Variants in SEH1L observed in about 807,000 individuals in gnomAD.
SEH1L encodes the protein nucleoporin SEH1.
Under a neutral mutation model 49.5 loss-of-function variants are expected in SEH1L, and 18 were observed. That is an observed-to-expected ratio of 0.36 (90% CI 0.25 to 0.54). The LOEUF (loss-of-function observed/expected upper bound fraction) is 0.54. SEH1L is among the 20% of genes least tolerant of loss of function. The pLI is 0.87. For synonymous variants in SEH1L, 169 were observed against 178.1 expected (o/e 0.95, Z 0.41); for missense variants, 404 against 528.8 (o/e 0.76, Z 2.31).
At chr18:12,967,796 C>A (rs143221709) in intron 4 of SEH1L, among the ~76,000 whole-genome samples, 6 of 152,194 alleles carry the variant, frequency 3.9e-5, no homozygotes, top group African/African-American at 1.4e-4. Flanking sequence ...CGCCTGTACT[C>A]CCAGCTACTC....
chr18:12,971,163 C>A lies in SEH1L; in HGVS notation c.532C>A (p.His178Asn). 6.2e-7 allele frequency: 1 copy of A among 1,612,346 alleles called. No homozygotes were observed. Among genetic ancestry groups the A allele is most frequent in the Non-Finnish European group, 8.5e-7 (1 of 1,178,486 alleles). The change falls in exon 5 of 9, where the codon CAT (histidine) becomes AAT (asparagine). Residue 178 changes from histidine to asparagine, a missense_variant. By Grantham distance (68) the His-to-Asn change is moderately conservative (BLOSUM62 1). Transcript: ENST00000399892. ...ISWNPSSSRA[H>N]SPMIAVGSDD... ...TCTCCCCGTTTCTAGCTCTCGTGCT[C>A]ATTCCCCCATGATCGCCGTAGGAAG... is the stretch of plus-strand genomic sequence containing the variant.
At chr18:12,966,726 C>G (rs753601099) in intron 4 of SEH1L, among the ~76,000 whole-genome samples, 76 of 152,050 alleles carry the variant, frequency 5.0e-4, no homozygotes, top group Non-Finnish European at 9.7e-4. Context: ...CTCAGTGGTC[C>G]CTTTAAAAAT....
chr18:12,968,583 A>T (rs2031552808), intron 4 of SEH1L, among the ~76,000 whole-genome samples: 1 of 152,178 alleles, frequency 6.6e-6, no homozygotes, highest in Admixed American at 6.5e-5. Context: ...TGATGGTGAT[A>T]CGGACTCTTT....
intron 5 of SEH1L, 189 bp downstream of exon 5, chr18:12,971,440 C>T: frequency 2.4e-6 from 1 of 418,010 alleles, no homozygotes; most frequent in South Asian, 2.9e-5. Context: ...GTAGACCAGC[C>T]TGGCCAATAT....
chr18:12,969,492 A>G (rs28377612), intron 4 of SEH1L, among the ~76,000 whole-genome samples: 5,001 of 151,746 alleles, frequency 0.033, 247 homozygotes, highest in African/African-American at 0.11. Flanking sequence ...GATCAAGACC[A>G]TCCTGGCCAA....
chr18:12,954,028 T>C (rs2030706178), intron 2 of SEH1L, among the ~76,000 whole-genome samples: 1 of 152,104 alleles, frequency 6.6e-6, no homozygotes, highest in Non-Finnish European at 1.5e-5. Context: ...TTTATAGCCC[T>C]GTATAAGTAA....
intron 6 of SEH1L, among the ~76,000 whole-genome samples, chr18:12,980,944 C>T (rs958319670): frequency 2.8e-5 from 4 of 145,190 alleles, no homozygotes; most frequent in South Asian, 2.2e-4. Context: ...CCCTCCCGGA[C>T]GGGGTGGCTG....
intron 2 of SEH1L, among the ~76,000 whole-genome samples, chr18:12,955,036 GT>G (rs1258322045): frequency 8.5e-5 from 13 of 152,132 alleles, no homozygotes; most frequent in African/African-American, 3.1e-4. Context: ...TAAATCTAAT[GT>G]TATTTATTTT....
intron 2 of SEH1L, among the ~76,000 whole-genome samples, chr18:12,955,100 C>G (rs997171428): frequency 2.0e-5 from 3 of 151,766 alleles, no homozygotes; most frequent in African/African-American, 7.3e-5. Context: ...GGTGGACTTA[C>G]AGAATCTTTG....
chr18:12,979,007 T>C, intron 6 of SEH1L, 115 bp downstream of exon 6: 2 of 991,144 alleles, frequency 2.0e-6, no homozygotes, highest in South Asian at 3.4e-5. Flanking sequence ...GCTCTGGAAG[T>C]TTTACTTAAA....
intron 3 of SEH1L, 103 bp downstream of exon 3, chr18:12,955,712 C>G: frequency 8.5e-7 from 1 of 1,176,418 alleles, no homozygotes; most frequent in Non-Finnish European, 1.2e-6. Flanking sequence ...CACCACTCCC[C>G]TCTAGTTTTA....
At chr18:12,979,696 G>A (rs1219957227) in intron 6 of SEH1L, among the ~76,000 whole-genome samples, 1 of 150,422 alleles carries the variant, frequency 6.6e-6, no homozygotes, top group African/African-American at 2.4e-5. Flanking sequence ...CTGGGCGGGG[G>A]GCTGACCCCC....
At chr18:12,948,463 C>T (rs754412757) in intron 1 of SEH1L, 21 of 398,058 alleles carry the variant, frequency 5.3e-5, no homozygotes, top group Non-Finnish European at 9.4e-5. Context: ...GCCACGTGCG[C>T]GCTCCCGCCC....
chr18:12,956,008 T>G (rs1462687789), intron 3 of SEH1L, among the ~76,000 whole-genome samples: 3 of 131,304 alleles, frequency 2.3e-5, no homozygotes, highest in African/African-American at 8.6e-5. Context: ...CTAAAATTCT[T>G]TTTTTTTTTT....
chr18:12,954,813 C>T (rs2030756849), intron 2 of SEH1L, among the ~76,000 whole-genome samples: 1 of 152,196 alleles, frequency 6.6e-6, no homozygotes, highest in African/African-American at 2.4e-5. Context: ...CTATAATTTA[C>T]ATATCATAAT....
intron 8 of SEH1L, chr18:12,986,638 T>A (rs2032468528): frequency 8.5e-7 from 1 of 1,179,680 alleles, no homozygotes. Flanking sequence ...CCTTTCAAGT[T>A]TCTATACTTG....
Position 12,975,648 on chromosome 18 carries a change from T to TG in SEH1L, c.621-3103dup, listed in dbSNP as rs144704738. The stretch of plus-strand genomic sequence containing the variant: ...AGGCCAGGCAGATTTTGGAGAGTGG[T>TG]GCTTGCCAAGTCTGATCTCTATCCT... On this transcript the variant is annotated intron_variant, in intron 5 of 8. Coordinates refer to ENST00000399892, the MANE Select transcript of SEH1L (RefSeq NM_001013437.2). 2.2e-3 allele frequency: 2,084 copies of TG among 962,412 alleles called. 46 individuals carry two copies. The African/African-American group carries it at 0.034, about 16-fold the overall frequency. The allele number at this position is 962,412 out of a possible 1,614,324, so 59.6% of individuals were successfully genotyped here.
At position 12,978,983 on chromosome 18, in the gene SEH1L, T is replaced by G. The variant is rs532074519; in HGVS notation, c.761+91T>G. 2.5e-6 allele frequency: 3 copies of G among 1,211,784 alleles called. No individual in the cohort carries two copies. The Admixed American group carries it at 6.7e-5, about 27-fold the overall frequency. The allele number at this position is 1,211,784 out of a possible 1,614,324, so 75.1% of individuals were successfully genotyped here. A position where few individuals can be genotyped will look rare whatever the true frequency, so the allele number is the denominator to read the frequency against. On this transcript the variant is annotated intron_variant, in intron 6 of 8. Transcript: ENST00000399892. Reference sequence around the variant, plus strand: ...GGAGAGAGTAGAGGTAACTATGATTTGGTTTATATTTCTGCTCTGGAAGTT... The same window carrying G: ...GGAGAGAGTAGAGGTAACTATGATTGGGTTTATATTTCTGCTCTGGAAGTT...
At position 12,958,064 on chromosome 18, in the gene SEH1L, CTTTTTTTTTTTTTTTTTTTTTTT is replaced by C. The variant is rs57733399; in HGVS notation, c.309+2470_309+2492del. ...TATAACATAATATTCCTCATTTTAA[CTTTTTTTTTTTTTTTTTTTTTTT>C]TTTTTTTTTTTTTTGAGACAGAGTC... On this transcript the variant is annotated intron_variant, in intron 3 of 8. Coordinates refer to ENST00000399892, the MANE Select transcript of SEH1L (RefSeq NM_001013437.2). Among the ~76,000 whole-genome samples the C allele has an allele frequency of 4.5e-4, 28 of 62,046 alleles. 1 individual carries two copies. The South Asian group carries it at 8.6e-3, about 19-fold the overall frequency. 40.7% of individuals were successfully genotyped at this position (62,046 alleles called of 152,430 possible).
Sources: gnomAD v4.1 joint callset for allele counts (sites outside exome capture counted in the v4.1 genomes callset) on GRCh38, gnomAD v4.1.1 for gene constraint, MANE v1.5 for transcripts, NCBI Gene and HGNC (gene_info 2026-07-23, HGNC 2026-07-21) for gene names.